RSPO2: variants seen among roughly 807,000 people sequenced by gnomAD.
RSPO2 encodes R-spondin-2.
In RSPO2, 14 loss-of-function variants were observed where a neutral mutation model predicts 30.9. The ratio of observed to expected loss-of-function variants is 0.45; its 90% CI spans 0.30 to 0.71. RSPO2 has a LOEUF of 0.71. RSPO2 is among the 30% of genes least tolerant of loss of function. The pLI, the probability that RSPO2 is intolerant of heterozygous loss-of-function variation, is 0.08. For synonymous variants in RSPO2, 107 were observed against 96.4 expected, an observed-to-expected ratio of 1.11 and a Z score of -0.64; for missense variants, 264 against 301.9, an observed-to-expected ratio of 0.87 and a Z score of 0.93.
chr8:107,923,941 G>A (rs959993536), intron 5 of RSPO2, among the ~76,000 whole-genome samples: 5 of 151,988 alleles, frequency 3.3e-5, no homozygotes, highest in African/African-American at 4.8e-5. Flanking sequence ...GGCCTATCGG[G>A]GGTTGAGAGT....
intron 2 of RSPO2, among the ~76,000 whole-genome samples, chr8:108,037,280 A>C (rs1811626741): frequency 6.6e-6 from 1 of 152,204 alleles, no homozygotes; most frequent in African/African-American, 2.4e-5. Context: ...GATGTGGAGA[A>C]AGTTTTAGAA....
At chr8:107,999,488 G>A (rs192300276) in intron 2 of RSPO2, among the ~76,000 whole-genome samples, 21 of 152,208 alleles carry the variant, frequency 1.4e-4, no homozygotes, top group South Asian at 2.1e-4. Context: ...AGGTTGGAGC[G>A]CAGTGGCACT....
chr8:108,025,799 G>C (rs910567143), intron 2 of RSPO2, among the ~76,000 whole-genome samples: 1 of 152,104 alleles, frequency 6.6e-6, no homozygotes, highest in Non-Finnish European at 1.5e-5. Context: ...TGGAGTTACA[G>C]ATGTGAGCCA....
At chr8:107,958,788 A>G (rs951114955) in intron 4 of RSPO2, among the ~76,000 whole-genome samples, 4 of 152,084 alleles carry the variant, frequency 2.6e-5, no homozygotes, top group Non-Finnish European at 5.9e-5. Flanking sequence ...ATAAGTGAGA[A>G]CGTGCGGTGT....
intron 2 of RSPO2, among the ~76,000 whole-genome samples, chr8:108,030,581 C>T (rs1811388902): frequency 6.6e-6 from 1 of 152,202 alleles, no homozygotes; most frequent in Non-Finnish European, 1.5e-5. Flanking sequence ...CACACACCAT[C>T]CTTTAATCAT....
chr8:108,043,304 G>GT (rs1811810426), intron 2 of RSPO2, among the ~76,000 whole-genome samples: 1 of 152,212 alleles, frequency 6.6e-6, no homozygotes, highest in African/African-American at 2.4e-5. Flanking sequence ...AATCCTGCAT[G>GT]TTTTTTAGTA....
intron 5 of RSPO2, among the ~76,000 whole-genome samples, chr8:107,907,086 A>G (rs916231996): frequency 6.6e-6 from 1 of 152,018 alleles, no homozygotes; most frequent in African/African-American, 2.4e-5. Flanking sequence ...CATAATGTAA[A>G]TGGGCATATT....
chr8:107,916,009 A>G (rs1811969985), intron 5 of RSPO2, among the ~76,000 whole-genome samples: 1 of 152,178 alleles, frequency 6.6e-6, no homozygotes, highest in African/African-American at 2.4e-5. Flanking sequence ...CCAGGAATCC[A>G]ACTAAGAAAC....
At chr8:107,996,942 C>G (rs1815047406) in intron 2 of RSPO2, 1 of 454,382 alleles carries the variant, frequency 2.2e-6, no homozygotes, top group Non-Finnish European at 4.4e-6. Flanking sequence ...ATCTTTATAA[C>G]CCTACACACG....
Position 108,058,337 on chromosome 8 carries a change from T to G in RSPO2, c.94+24208A>C, listed in dbSNP as rs984402683. ...AGGAGAACTACAAACCACTGCTCAA[T>G]GAAATAAAAGAGGATACAAACAAAT... is the stretch of plus-strand genomic sequence containing the variant. On this transcript the variant is annotated intron_variant, in intron 2 of 5. Coordinates refer to ENST00000276659, the MANE Select transcript of RSPO2 (RefSeq NM_178565.5). Among the ~76,000 whole-genome samples the G allele has an allele frequency of 1.3e-4, 19 of 151,992 alleles. No individual in the cohort carries two copies. In the East Asian group the frequency reaches 1.4e-3, roughly 11 times the overall value.
Position 107,958,227 on chromosome 8 carries a change from T to C in RSPO2, c.469A>G (p.Ser157Gly). ...VGHWSEWGTCSRNNRTCGFKW... is the reference protein window; with the variant it reads ...VGHWSEWGTCGRNNRTCGFKW... ...AATCCACATGTGCGATTATTTCTGC[T>C]ACAAGTTCCCCATTCGCTCCAATGA... Residue 157 changes from serine (S) to glycine (G), a missense_variant, in exon 5 of 6, where the codon AGC becomes GGC. By Grantham distance (56) the Ser-to-Gly change is moderately conservative. Coordinates refer to ENST00000276659, the MANE Select transcript of RSPO2 (RefSeq NM_178565.5). 6.2e-7 allele frequency: 1 copy of C among 1,613,830 alleles called. No individual in the cohort carries two copies. Among genetic ancestry groups the C allele is most frequent in the Non-Finnish European group, 8.5e-7 (1 of 1,179,854 alleles).
intron 5 of RSPO2, among the ~76,000 whole-genome samples, chr8:107,955,365 T>C (rs58532111): frequency 0.096 from 14,531 of 152,080 alleles, 926 homozygotes; most frequent in East Asian, 0.24. Flanking sequence ...AATTAACAAG[T>C]TGACACGATG....
At chr8:108,001,085 A>G (rs1450274754) in intron 2 of RSPO2, among the ~76,000 whole-genome samples, 7 of 152,066 alleles carry the variant, frequency 4.6e-5, no homozygotes, top group African/African-American at 1.4e-4. Flanking sequence ...CCAGCTACTC[A>G]GGAGGCTGAG....
chr8:108,056,031 G>A (rs533549408), intron 2 of RSPO2, among the ~76,000 whole-genome samples: 1 of 152,150 alleles, frequency 6.6e-6, no homozygotes, highest in African/African-American at 2.4e-5. Flanking sequence ...CTTTAAGATG[G>A]AGAGAAAAAT....
chr8:107,907,502 A>G lies in RSPO2; in HGVS notation c.617-6312T>C, dbSNP rs575646402. Among the ~76,000 whole-genome samples, 132 of 152,236 alleles carry G rather than the reference A, an allele frequency of 8.7e-4. 1 individual carries two copies. The highest frequency in any genetic ancestry group is 3.4e-3 in the Middle Eastern group (1 of 294). ...TTACTTGAATGTCAAGTAGTAACTT[A>G]GAAGATTTTTCAAAGGGTCACTTAG... On this transcript the variant is annotated intron_variant, in intron 5 of 5. Transcript: ENST00000276659.
chr8:107,980,269 T>C (rs1388856267), intron 3 of RSPO2, among the ~76,000 whole-genome samples: 1 of 152,114 alleles, frequency 6.6e-6, no homozygotes, highest in East Asian at 1.9e-4. Flanking sequence ...GCCTAGTATA[T>C]CAGCAGTAAA....
At chr8:107,980,392 T>C (rs921245693) in intron 3 of RSPO2, among the ~76,000 whole-genome samples, 1 of 152,210 alleles carries the variant, frequency 6.6e-6, no homozygotes, top group Non-Finnish European at 1.5e-5. Context: ...GGGAAAACCA[T>C]GCAAGTGGCT....
chr8:107,968,543 T>G (rs1019450463), intron 3 of RSPO2, among the ~76,000 whole-genome samples: 1 of 152,070 alleles, frequency 6.6e-6, no homozygotes, highest in African/African-American at 2.4e-5. Context: ...GGAAAAACTA[T>G]AGTTAGTAAT....
Position 107,971,631 on chromosome 8 carries a change from T to C in RSPO2, c.284-10814A>G, listed in dbSNP as rs1814003149. ...TCCCTGATCTGGCCTACTGAAATCT[T>C]TGATGGTGTATCCATACAGGTGCTA... is the stretch of plus-strand genomic sequence containing the variant. On this transcript the variant is annotated intron_variant, in intron 3 of 5. Coordinates refer to ENST00000276659, the MANE Select transcript of RSPO2 (RefSeq NM_178565.5). Among the ~76,000 whole-genome samples, 2 of 152,188 alleles carry C rather than the reference T, an allele frequency of 1.3e-5. 1 individual carries two copies. The highest frequency in any genetic ancestry group is 1.3e-4 in the Admixed American group (2 of 15,280).
Sources: gnomAD v4.1 joint callset for allele counts (sites outside exome capture counted in the v4.1 genomes callset) on GRCh38, gnomAD v4.1.1 for gene constraint, MANE v1.5 for transcripts, NCBI Gene and HGNC (gene_info 2026-07-23, HGNC 2026-07-21) for gene names.